Variants in GPC6 observed in about 807,000 individuals in gnomAD.
The protein encoded by GPC6 is glypican-6.
Under a neutral mutation model 55.2 loss-of-function variants are expected in GPC6, and 14 were observed. That is an observed-to-expected ratio of 0.25 (90% CI 0.17 to 0.40). The LOEUF is 0.40. Among genes scored for constraint, GPC6 ranks in the 10% least tolerant of loss-of-function variants. The pLI, the probability that GPC6 is intolerant of heterozygous loss-of-function variation, is 1.00. For missense variants in GPC6, 641 were observed against 708.5 expected, an observed-to-expected ratio of 0.90 and a Z score of 1.08; for synonymous variants, 278 against 259.6, an observed-to-expected ratio of 1.07 and a Z score of -0.68.
At chr13:94,336,669 C>T (rs1307601420) in intron 6 of GPC6, among the ~76,000 whole-genome samples, 1 of 152,012 alleles carries the variant, frequency 6.6e-6, no homozygotes, top group Non-Finnish European at 1.5e-5. Flanking sequence ...TGTGGAATAT[C>T]TGCTTTCTCT....
intron 4 of GPC6, among the ~76,000 whole-genome samples, chr13:94,105,442 T>G (rs950617611): frequency 6.6e-6 from 1 of 152,204 alleles, no homozygotes; most frequent in African/African-American, 2.4e-5. Flanking sequence ...ATTTACATAA[T>G]AGATCTTCAA....
At chr13:93,768,222 G>C (rs1173986039) in intron 2 of GPC6, among the ~76,000 whole-genome samples, 6 of 152,156 alleles carry the variant, frequency 3.9e-5, no homozygotes, top group Admixed American at 3.9e-4. Flanking sequence ...CTTGTCTATG[G>C]ATGGCACTGC....
At chr13:94,399,287 A>G (rs1881027001) in intron 8 of GPC6, among the ~76,000 whole-genome samples, 1 of 152,228 alleles carries the variant, frequency 6.6e-6, no homozygotes, top group African/African-American at 2.4e-5. Context: ...ATTGAGAGAA[A>G]TTGTAAAATT....
chr13:93,643,791 ATT>A (rs1189349569), intron 2 of GPC6, among the ~76,000 whole-genome samples: 1 of 152,070 alleles, frequency 6.6e-6, no homozygotes, highest in Non-Finnish European at 1.5e-5. Flanking sequence ...AAAGTGGCAT[ATT>A]TTAGGGTGAC....
chr13:93,313,352 A>C (rs1189200896), intron 1 of GPC6, among the ~76,000 whole-genome samples: 2 of 152,124 alleles, frequency 1.3e-5, no homozygotes, highest in Non-Finnish European at 2.9e-5. Context: ...CAACTAAGCA[A>C]CATTTGTATG....
intron 2 of GPC6, among the ~76,000 whole-genome samples, chr13:93,732,188 C>T (rs1883848696): frequency 6.6e-6 from 1 of 151,970 alleles, no homozygotes; most frequent in African/African-American, 2.4e-5. Context: ...TCCACATGTC[C>T]CTGCAAATTT....
intron 1 of GPC6, among the ~76,000 whole-genome samples, chr13:93,483,477 A>G (rs954930155): frequency 1.3e-5 from 2 of 152,120 alleles, no homozygotes; most frequent in African/African-American, 4.8e-5. Flanking sequence ...GTTTTTACCA[A>G]TATCTGATTA....
chr13:93,245,148 T>A (rs915790842), intron 1 of GPC6, among the ~76,000 whole-genome samples: 1 of 152,182 alleles, frequency 6.6e-6, no homozygotes, highest in Non-Finnish European at 1.5e-5. Flanking sequence ...AGTTTTGTGG[T>A]ATAAATGTTC....
intron 2 of GPC6, among the ~76,000 whole-genome samples, chr13:93,663,864 C>T (rs1414464731): frequency 6.6e-6 from 1 of 152,110 alleles, no homozygotes; most frequent in South Asian, 2.1e-4. Flanking sequence ...AAAGAAGTAG[C>T]TGAACCAGTT....
intron 3 of GPC6, among the ~76,000 whole-genome samples, chr13:93,963,080 T>C (rs1879861349): frequency 1.3e-5 from 2 of 152,150 alleles, no homozygotes; most frequent in Admixed American, 1.3e-4. Flanking sequence ...TTTATATTCT[T>C]TACTTTCTGC....
chr13:93,385,050 C>T (rs1194628951), intron 1 of GPC6, among the ~76,000 whole-genome samples: 2 of 152,128 alleles, frequency 1.3e-5, no homozygotes, highest in African/African-American at 4.8e-5. Context: ...AATACACTTA[C>T]ATAAACACAT....
In GPC6 at chr13:94,390,433, A is replaced by C. The variant is rs1471129241; in HGVS notation, c.1289+7883A>C. Among the ~76,000 whole-genome samples the C allele has an allele frequency of 2.0e-5, 3 of 152,192 alleles. No individual in the cohort carries two copies. In the East Asian group the frequency reaches 5.8e-4, roughly 29 times the overall value. ...AAGAAAAGAGGTTTAATTGTCTCAC[A>C]GTTCCACAGGCTGTATAGGAAGCAT... is the stretch of plus-strand genomic sequence containing the variant. On this transcript the variant is annotated intron_variant, in intron 7 of 8. Transcript: ENST00000377047.
intron 4 of GPC6, among the ~76,000 whole-genome samples, chr13:94,197,585 G>T (rs1293579000): frequency 2.6e-5 from 4 of 152,082 alleles, no homozygotes; most frequent in Non-Finnish European, 5.9e-5. Context: ...CAGCTCTATT[G>T]AATTAGGAAC....
intron 3 of GPC6, among the ~76,000 whole-genome samples, chr13:94,017,123 G>A (rs781086123): frequency 2.0e-5 from 3 of 152,268 alleles, no homozygotes; most frequent in South Asian, 2.1e-4. Context: ...TTAAGCCACC[G>A]TGCCTGGCCA....
chr13:93,769,310 C>T (rs879633045), intron 2 of GPC6, among the ~76,000 whole-genome samples: 23 of 152,064 alleles, frequency 1.5e-4, no homozygotes, highest in Non-Finnish European at 3.2e-4. Context: ...GGAATGTACA[C>T]GTCTCTAAAC....
intron 4 of GPC6, among the ~76,000 whole-genome samples, chr13:94,265,773 A>G (rs7336168): frequency 0.033 from 5,083 of 152,310 alleles, 290 homozygotes; most frequent in African/African-American, 0.12. Context: ...GGCTGTCAGA[A>G]CATATCACTG....
intron 3 of GPC6, among the ~76,000 whole-genome samples, chr13:93,887,706 G>A (rs549632656): frequency 5.9e-5 from 9 of 152,192 alleles, no homozygotes; most frequent in South Asian, 4.1e-4. Context: ...TTTCTGAATC[G>A]TGATACAACC....
chr13:93,619,870 G>A (rs977508178), intron 2 of GPC6, among the ~76,000 whole-genome samples: 1 of 151,966 alleles, frequency 6.6e-6, no homozygotes, highest in African/African-American at 2.4e-5. Flanking sequence ...TCATAGTATA[G>A]CAGAGTACTG....
At chr13:93,413,904 A>G (rs1003559480) in intron 1 of GPC6, among the ~76,000 whole-genome samples, 25 of 152,204 alleles carry the variant, frequency 1.6e-4, no homozygotes, top group African/African-American at 6.0e-4. Context: ...ACCTATAGTA[A>G]AAATCAAGTT....
Sources: gnomAD v4.1 joint callset for allele counts (sites outside exome capture counted in the v4.1 genomes callset) on GRCh38, gnomAD v4.1.1 for gene constraint, MANE v1.5 for transcripts, NCBI Gene and HGNC (gene_info 2026-07-23, HGNC 2026-07-21) for gene names.